Variants in TEX11 observed in about 807,000 individuals in gnomAD.
The protein encoded by TEX11 is testis-expressed protein 11.
TEX11 carries 7 observed loss-of-function variants against 84.4 expected under a neutral mutation model. The observed-to-expected ratio is 0.08, with a 90% confidence interval of 0.05 to 0.16. The LOEUF is 0.16. Among genes scored for constraint, TEX11 ranks in the 10% least tolerant of loss-of-function variants. TEX11 has a pLI of 1.00. For missense variants in TEX11, 551 were observed against 660.5 expected (o/e 0.83, Z 1.82); for synonymous variants, 264 against 222.8 (o/e 1.18, Z -1.64).
chrX:70,744,318 T>C (rs1030141515), intron 9 of TEX11, 99 bp from the exon 10 acceptor site: 10 of 291,811 alleles, frequency 3.4e-5, no homozygotes, highest in African/African-American at 2.9e-4. Flanking sequence ...TAAGAAGACA[T>C]GGTATAAGCA....
intron 9 of TEX11, among the ~76,000 whole-genome samples, chrX:70,756,121 G>A (rs1000497777): frequency 8.9e-6 from 1 of 112,514 alleles, no homozygotes; most frequent in Non-Finnish European, 1.9e-5. Context: ...GCTCGAACTG[G>A]GCGGAGCCCA....
intron 11 of TEX11, among the ~76,000 whole-genome samples, chrX:70,738,713 T>C (rs1370768429): frequency 8.9e-6 from 1 of 112,042 alleles, no homozygotes; most frequent in Non-Finnish European, 1.9e-5. Context: ...TACCCATCAA[T>C]GATAGACTGG....
At chrX:70,514,793 C>T in the TEX11 span, among the ~76,000 whole-genome samples, 1 of 109,159 alleles carries the variant, frequency 9.2e-6, no homozygotes, top group Non-Finnish European at 1.9e-5. Flanking sequence ...TTTGGCCAGG[C>T]ACGGTGGCTC....
intron 17 of TEX11, among the ~76,000 whole-genome samples, chrX:70,643,250 G>A (rs1306662686): frequency 7.6e-5 from 8 of 105,650 alleles, no homozygotes; most frequent in South Asian, 4.5e-4. Context: ...ACTACAAACC[G>A]CTGCTCAAGG....
At chrX:70,857,624 A>G in intron 5 of TEX11, 1 of 292,131 alleles carries the variant, frequency 3.4e-6, no homozygotes, top group Non-Finnish European at 6.5e-6. Flanking sequence ...TGGCAATAAG[A>G]AAAATGATAT....
At chrX:70,579,947 C>T (rs1255865546) in intron 25 of TEX11, among the ~76,000 whole-genome samples, 3 of 112,044 alleles carry the variant, frequency 2.7e-5, no homozygotes, top group Non-Finnish European at 5.6e-5. Context: ...CAATCCCACT[C>T]CTAGGTATAC....
At chrX:70,589,725 G>C (rs767110740) in intron 25 of TEX11, among the ~76,000 whole-genome samples, 4 of 111,127 alleles carry the variant, frequency 3.6e-5, no homozygotes, top group African/African-American at 9.8e-5. Context: ...GTTTCGTCAT[G>C]TTGGCAGGGT....
At chrX:70,829,792 A>G (rs906857492) in intron 8 of TEX11, among the ~76,000 whole-genome samples, 3 of 109,935 alleles carry the variant, frequency 2.7e-5, no homozygotes, top group African/African-American at 9.9e-5. Context: ...AATTTAAAAT[A>G]ATGGATTATA....
At chrX:70,861,814 C>T (rs2091571754) in intron 4 of TEX11, among the ~76,000 whole-genome samples, 1 of 110,145 alleles carries the variant, frequency 9.1e-6, no homozygotes, top group African/African-American at 3.3e-5. Context: ...GGTCTTAAGT[C>T]CCAAAGACTC....
intron 16 of TEX11, among the ~76,000 whole-genome samples, chrX:70,666,976 T>A (rs1028863949): frequency 8.9e-6 from 1 of 112,363 alleles, no homozygotes; most frequent in Non-Finnish European, 1.9e-5. Context: ...TTAGCACTTA[T>A]CAATATTTAA....
At chrX:70,541,147 C>A (rs1323568273) in intron 28 of TEX11, among the ~76,000 whole-genome samples, 1 of 111,421 alleles carries the variant, frequency 9.0e-6, no homozygotes, top group Non-Finnish European at 1.9e-5. Context: ...ATCAGCTTCA[C>A]TGCACTCTAG....
chrX:70,563,711 G>A (rs1008657705), intron 25 of TEX11, among the ~76,000 whole-genome samples: 10 of 112,243 alleles, frequency 8.9e-5, no homozygotes, highest in African/African-American at 1.3e-4. Context: ...TTCCTAGTTC[G>A]TTGAGTGTTC....
At chrX:70,761,923 A>C (rs1040645183) in intron 9 of TEX11, among the ~76,000 whole-genome samples, 3 of 111,778 alleles carry the variant, frequency 2.7e-5, no homozygotes, top group African/African-American at 9.8e-5. Context: ...AGAAAAGAAA[A>C]AAACAACATA....
At chrX:70,732,797 A>G (rs1371615029) in intron 11 of TEX11, among the ~76,000 whole-genome samples, 7 of 111,762 alleles carry the variant, frequency 6.3e-5, no homozygotes, top group African/African-American at 2.3e-4. Flanking sequence ...ATTGGAAAAA[A>G]CTACTTTAAA....
intron 8 of TEX11, among the ~76,000 whole-genome samples, chrX:70,824,612 A>G (rs974974421): frequency 2.7e-5 from 3 of 110,834 alleles, no homozygotes; most frequent in African/African-American, 9.8e-5. Context: ...ATGGATAGCT[A>G]TTGGTTAGAG....
intron 10 of TEX11, among the ~76,000 whole-genome samples, chrX:70,741,462 G>A (rs2090733579): frequency 9.0e-6 from 1 of 110,674 alleles, no homozygotes. Context: ...TGGGGCCAAG[G>A]GAACTTTTGG....
intron 7 of TEX11, chrX:70,846,220 G>A (rs1953726984): frequency 9.0e-6 from 1 of 111,730 alleles, no homozygotes; most frequent in South Asian, 3.8e-4. Flanking sequence ...CTTCTTTGTG[G>A]TTTTCAGTGC....
intron 20 of TEX11, among the ~76,000 whole-genome samples, chrX:70,618,649 C>T (rs1341740663): frequency 7.2e-5 from 8 of 111,575 alleles, no homozygotes; most frequent in African/African-American, 2.3e-4. Flanking sequence ...GTATGAGTTT[C>T]GACAGGAATA....
chrX:70,873,305 A>T lies in TEX11; in HGVS notation c.162T>A (p.Ile54=), dbSNP rs750415628. ...ESMAEITDIQ[I]EEMAVNLWNW... is the part of the protein sequence containing the mutation. ...TCCATAGGTTTACTGCCATTTCTTC[A>T]ATCTGGTCAAAGAGAAACATTTCCT... Residue 54 remains isoleucine (I), a splice_region_variant and synonymous_variant, in exon 4 of 30, where the codon ATT becomes ATA. Coordinates refer to ENST00000374333, the MANE Select transcript of TEX11 (RefSeq NM_031276.3). 4.7e-5 allele frequency: 55 copies of T among 1,167,791 alleles called. No individual in the cohort carries two copies. In the Admixed American group the frequency reaches 1.2e-3, roughly 25 times the overall value.
Sources: allele counts gnomAD v4.1 joint callset (sites outside exome capture counted in the v4.1 genomes callset), GRCh38; gene constraint gnomAD v4.1.1; transcripts MANE v1.5; gene names NCBI Gene and HGNC (gene_info 2026-07-23, HGNC 2026-07-21).